The following KCNU1 variants were observed in gnomAD, a reference collection of about 807,000 sequenced individuals.
KCNU1 encodes the protein potassium channel subfamily U member 1.
KCNU1 carries 93 observed loss-of-function variants against 126.8 expected under a neutral mutation model. The ratio of observed to expected loss-of-function variants is 0.73; its 90% CI spans 0.62 to 0.87. The LOEUF is 0.87. Among genes scored for constraint, KCNU1 ranks in the 40% least tolerant of loss-of-function variants. The pLI is 0.00. For synonymous variants in KCNU1, 523 were observed against 494.2 expected (o/e 1.06, Z -0.77); for missense variants, 1,330 against 1,367.1 (o/e 0.97, Z 0.43).
intron 5 of KCNU1, among the ~76,000 whole-genome samples, 161 bp from the exon 6 acceptor site, chr8:36,807,213 AT>A (rs1262889109): frequency 6.6e-6 from 1 of 152,196 alleles, no homozygotes; most frequent in Non-Finnish European, 1.5e-5. Context: ...CAGGGCTAGT[AT>A]TTGAACTACA....
intron 7 of KCNU1, among the ~76,000 whole-genome samples, chr8:36,812,857 G>A (rs1302057279): frequency 6.6e-6 from 1 of 152,118 alleles, no homozygotes; most frequent in Non-Finnish European, 1.5e-5. Flanking sequence ...AGGGCAGTGA[G>A]TTAAATTTTA....
intron 1 of KCNU1, among the ~76,000 whole-genome samples, chr8:36,785,895 C>T (rs1369555956): frequency 1.3e-5 from 2 of 152,152 alleles, no homozygotes; most frequent in Non-Finnish European, 2.9e-5. Flanking sequence ...TTTATGTCTA[C>T]ACTTCGATCC....
rs528565627 is a variant in KCNU1 at position 36,850,065 on chromosome 8, C to T, written c.1891+4166C>T. Reference sequence around the variant, plus strand: ...CATTATGGTTTTGATCTAAATTTTCCTAAATGGCATTTTTTCATGAGGAGC... The same window carrying T: ...CATTATGGTTTTGATCTAAATTTTCTTAAATGGCATTTTTTCATGAGGAGC... On this transcript the variant is annotated intron_variant, in intron 18 of 26. Coordinates refer to ENST00000399881, the MANE Select transcript of KCNU1 (RefSeq NM_001031836.3). Among the ~76,000 whole-genome samples, 378 of 152,164 alleles carry T rather than the reference C, an allele frequency of 2.5e-3. 1 individual carries two copies. Among genetic ancestry groups the T allele is most frequent in the Non-Finnish European group, 3.8e-3 (257 of 68,002 alleles).
intron 2 of KCNU1, among the ~76,000 whole-genome samples, chr8:36,801,106 G>T (rs1803286830): frequency 6.6e-6 from 1 of 152,184 alleles, no homozygotes; most frequent in Admixed American, 6.5e-5. Flanking sequence ...GTCAACAAGG[G>T]TTGCGCAATG....
intron 24 of KCNU1, among the ~76,000 whole-genome samples, chr8:36,925,347 AG>A (rs1808498598): frequency 6.6e-6 from 1 of 152,156 alleles, no homozygotes; most frequent in South Asian, 2.1e-4. Context: ...GCATCAGGGA[AG>A]AAAGCGTCTT....
intron 19 of KCNU1, among the ~76,000 whole-genome samples, chr8:36,867,191 T>G (rs1937807221): frequency 6.6e-6 from 1 of 152,140 alleles, no homozygotes; most frequent in Non-Finnish European, 1.5e-5. Flanking sequence ...CATTGATGGT[T>G]CTGGCAGAAG....
At position 36,828,780 on chromosome 8, in the gene KCNU1, G is replaced by A. The variant is rs16885467; in HGVS notation, c.1107-4774G>A. Among the ~76,000 whole-genome samples, 1,424 of 152,136 alleles carry A rather than the reference G, an allele frequency of 9.4e-3. 19 individuals are homozygous for A. Among genetic ancestry groups the A allele is most frequent in the African/African-American group, 0.031 (1,275 of 41,520 alleles). On this transcript the variant is annotated intron_variant, in intron 10 of 26. Transcript: ENST00000399881. ...TGTTTATGTGCATTTGTGCTTGTAC[G>A]TGTGTGTGCTTAATAGTGTCAAGAA...
chr8:36,907,612 T>C (rs569467753), intron 20 of KCNU1, among the ~76,000 whole-genome samples: 58 of 152,352 alleles, frequency 3.8e-4, no homozygotes, highest in African/African-American at 1.2e-3. Flanking sequence ...GAGGGTACAG[T>C]ACAGTATTTC....
chr8:36,804,593 G>A (rs1803430299), intron 3 of KCNU1, among the ~76,000 whole-genome samples: 1 of 152,090 alleles, frequency 6.6e-6, no homozygotes. Flanking sequence ...TATTTTTCAG[G>A]GTTAGGGCAG....
At chr8:36,842,974 A>C (rs2130585150) in intron 16 of KCNU1, among the ~76,000 whole-genome samples, 1 of 152,268 alleles carries the variant, frequency 6.6e-6, no homozygotes, top group Non-Finnish European at 1.5e-5. Flanking sequence ...TGTTTGCATA[A>C]GTTTTAAAGA....
At chr8:36,820,175 C>A (rs957539074) in intron 10 of KCNU1, among the ~76,000 whole-genome samples, 1 of 152,104 alleles carries the variant, frequency 6.6e-6, no homozygotes, top group Non-Finnish European at 1.5e-5. Flanking sequence ...ATACATGGAA[C>A]GGAAGAACAA....
chr8:36,899,537 A>G (rs1807333708), intron 19 of KCNU1, among the ~76,000 whole-genome samples: 1 of 152,126 alleles, frequency 6.6e-6, no homozygotes, highest in Middle Eastern at 3.2e-3. Context: ...GATGTTTTTT[A>G]AATCATACCT....
intron 3 of KCNU1, among the ~76,000 whole-genome samples, chr8:36,804,396 A>C (rs1029656143): frequency 6.6e-6 from 1 of 152,054 alleles, no homozygotes; most frequent in African/African-American, 2.4e-5. Context: ...TCCCTCACTT[A>C]GGCCACTCAT....
At chr8:36,801,468 GTTCA>G (rs1803303205) in intron 2 of KCNU1, among the ~76,000 whole-genome samples, 1 of 148,890 alleles carries the variant, frequency 6.7e-6, no homozygotes, top group Non-Finnish European at 1.5e-5. Context: ...ACATGTTTCT[GTTCA>G]TTTCCATGGG....
Position 36,840,581 on chromosome 8 carries a change from TG to T in KCNU1, c.1631+7del. The T allele has an allele frequency of 2.7e-6, 4 of 1,466,858 alleles. No homozygotes were observed. The highest frequency in any genetic ancestry group is 3.8e-6 in the Non-Finnish European group (4 of 1,046,876). 90.9% of individuals were successfully genotyped at this position (1,466,858 alleles called of 1,614,324 possible). A position where few individuals can be genotyped will look rare whatever the true frequency, so the allele number is the denominator to read the frequency against. Reference sequence around the variant, plus strand: ...AGCTTTCCTGAAGTTGCCCGGTAAGTGAAGTGAAATACTTCCCTCATTCTTC... The same window carrying T: ...AGCTTTCCTGAAGTTGCCCGGTAAGTAAGTGAAATACTTCCCTCATTCTTC... On this transcript the variant is annotated splice_region_variant and intron_variant, in intron 15 of 26. Coordinates refer to ENST00000399881, the MANE Select transcript of KCNU1 (RefSeq NM_001031836.3).
intron 19 of KCNU1, among the ~76,000 whole-genome samples, chr8:36,896,897 T>C (rs1307096919): frequency 6.6e-6 from 1 of 152,080 alleles, no homozygotes; most frequent in African/African-American, 2.4e-5. Context: ...TTCATACAGA[T>C]GCCAATTTAT....
intron 10 of KCNU1, among the ~76,000 whole-genome samples, chr8:36,829,375 A>T (rs1024777590): frequency 1.3e-5 from 2 of 151,840 alleles, no homozygotes; most frequent in Admixed American, 1.3e-4. Flanking sequence ...GTTGAACTAC[A>T]TTTCCTACCA....
At chr8:36,878,592 G>T (rs1373940800) in intron 19 of KCNU1, among the ~76,000 whole-genome samples, 9 of 152,034 alleles carry the variant, frequency 5.9e-5, no homozygotes, top group Admixed American at 5.9e-4. Flanking sequence ...GGAGACATTG[G>T]GAACAAACTT....
At position 36,808,809 on chromosome 8, in the gene KCNU1, C is replaced by T. The variant is rs1803602234; in HGVS notation, c.732+16C>T. The T allele has an allele frequency of 1.3e-6, 2 of 1,581,240 alleles. No homozygotes were observed. The highest frequency in any genetic ancestry group is 1.7e-6 in the Non-Finnish European group (2 of 1,152,842). On this transcript the variant is annotated intron_variant, in intron 7 of 26. Coordinates refer to ENST00000399881, the MANE Select transcript of KCNU1 (RefSeq NM_001031836.3). The stretch of plus-strand genomic sequence containing the variant: ...CATTCACCTGGTAAGCATCTCATCA[C>T]AATCCCTAGTGGTGTCTGTTGTTAC...
Sources: allele counts gnomAD v4.1 joint callset (sites outside exome capture counted in the v4.1 genomes callset), GRCh38; gene constraint gnomAD v4.1.1; transcripts MANE v1.5; gene names NCBI Gene and HGNC (gene_info 2026-07-23, HGNC 2026-07-21).